POU3F2: variants seen among roughly 807,000 people sequenced by gnomAD.
POU3F2 encodes POU domain, class 3, transcription factor 2.
POU3F2 carries 11 observed loss-of-function variants against 33.1 expected under a neutral mutation model. That is an observed-to-expected ratio of 0.33 (90% CI 0.21 to 0.55). POU3F2 has a LOEUF of 0.55. Ranked by LOEUF, POU3F2 falls within the 20% of genes least tolerant of loss-of-function variation. The pLI is 0.91. For synonymous variants in POU3F2, 332 were observed against 289.6 expected, an observed-to-expected ratio of 1.15 and a Z score of -1.49; for missense variants, 456 against 620.2, an observed-to-expected ratio of 0.74 and a Z score of 2.81.
At position 98,836,457 on chromosome 6, in the gene POU3F2, A is replaced by G; in HGVS notation, c.*252A>G. ...GGCGAGTAACCAGGCAATGGAGTGG[A>G]GTGTCTCCTGGAGAGAGTGAGGAGA... On this transcript the variant is annotated 3_prime_UTR_variant, in exon 1 of 1. Transcript: ENST00000328345. 1 of 455,022 alleles carries G rather than the reference A, an allele frequency of 2.2e-6. No individual in the cohort carries two copies. Among genetic ancestry groups the G allele is most frequent in the Non-Finnish European group, 3.9e-6 (1 of 254,438 alleles). The allele number at this position is 455,022 out of a possible 1,614,324, so 28.2% of individuals were successfully genotyped here. A position where few individuals can be genotyped will look rare whatever the true frequency, so the allele number is the denominator to read the frequency against.
In POU3F2 at chr6:98,838,891, T is replaced by G. The variant is rs1338548533; in HGVS notation, c.*2686T>G. ...AACCCTAGACCTTAAATTGACTGAG[T>G]TGAGTTGTGTGTAAAACACTTCCCT... On this transcript the variant is annotated 3_prime_UTR_variant, in exon 1 of 1. Coordinates refer to ENST00000328345, the MANE Select transcript of POU3F2 (RefSeq NM_005604.4). 2 of 152,398 alleles carry G rather than the reference T, an allele frequency of 1.3e-5. No individual in the cohort carries two copies. Among genetic ancestry groups the G allele is most frequent in the Non-Finnish European group, 2.9e-5 (2 of 68,026 alleles). The allele number at this position is 152,398 out of a possible 1,614,324, so 9.4% of individuals were successfully genotyped here. A position where few individuals can be genotyped will look rare whatever the true frequency, so the allele number is the denominator to read the frequency against.
At position 98,834,885 on chromosome 6, in the gene POU3F2, A is replaced by G. The variant is rs756228158; in HGVS notation, c.12A>G (p.Ala4=). The change falls in exon 1 of 1, where the codon GCA becomes GCG. Residue 4 remains alanine (A), a synonymous_variant. Transcript: ENST00000328345. Reference sequence around the variant, plus strand: ...CGGCTCCGAGAGTCATGGCGACCGCAGCGTCTAACCACTACAGCCTGCTCA... The same window carrying G: ...CGGCTCCGAGAGTCATGGCGACCGCGGCGTCTAACCACTACAGCCTGCTCA... The part of the protein sequence containing the change: MAT[A]ASNHYSLLTS... The G allele has an allele frequency of 8.1e-6, 13 of 1,598,902 alleles. No individual in the cohort carries two copies. The highest frequency in any genetic ancestry group is 1.7e-5 in the Admixed American group (1 of 59,958).
At position 98,836,130 on chromosome 6, in the gene POU3F2, G is replaced by T; in HGVS notation, c.1257G>T (p.Leu419=). 1.2e-6 allele frequency: 2 copies of T among 1,605,256 alleles called. No homozygotes were observed. The highest frequency in any genetic ancestry group is 1.7e-6 in the Non-Finnish European group (2 of 1,177,904). ...EKRMTPPGGT[L]PGAEDVYGGS... is the part of the protein sequence containing the mutation. The stretch of plus-strand genomic sequence containing the variant: ...GGATGACCCCTCCCGGAGGGACTCT[G>T]CCGGGCGCCGAGGATGTGTACGGGG... The change falls in exon 1 of 1, where the codon CTG becomes CTT. Residue 419 remains leucine, a synonymous_variant. Coordinates refer to ENST00000328345, the MANE Select transcript of POU3F2 (RefSeq NM_005604.4).
rs2128367963 is a variant in POU3F2, at chr6:98,836,269, C to T, written c.*64C>T. On this transcript the variant is annotated 3_prime_UTR_variant, in exon 1 of 1. Coordinates refer to ENST00000328345, the MANE Select transcript of POU3F2 (RefSeq NM_005604.4). Reference sequence around the variant, plus strand: ...TCCCCTTCGGTCCTTGGCCCTTTCCCGGCCCTCTTGTTCCCTCTCTAACTT... The same window carrying T: ...TCCCCTTCGGTCCTTGGCCCTTTCCTGGCCCTCTTGTTCCCTCTCTAACTT... The T allele has an allele frequency of 3.4e-6, 5 of 1,482,042 alleles. No homozygotes were observed. Among genetic ancestry groups the T allele is most frequent in the African/African-American group, 1.4e-5 (1 of 69,336 alleles). 91.8% of individuals were successfully genotyped at this position (1,482,042 alleles called of 1,614,324 possible).
rs1316771230 is a variant in POU3F2, at chr6:98,838,973, A to C, written c.*2768A>C. The C allele has an allele frequency of 6.6e-6, 1 of 150,476 alleles. No homozygotes were observed. The highest frequency in any genetic ancestry group is 1.5e-5 in the Non-Finnish European group (1 of 67,720). The allele number at this position is 150,476 out of a possible 1,614,324, so 9.3% of individuals were successfully genotyped here. ...TTTTATGCATATACTGCCAGATTTG[A>C]TGTTCATAACTTTCAGAGGCTTTTT... On this transcript the variant is annotated 3_prime_UTR_variant, in exon 1 of 1. Transcript: ENST00000328345.
Position 98,835,288 on chromosome 6 carries a change from C to G in POU3F2, c.415C>G (p.Gln139Glu). The change falls in exon 1 of 1, where the codon CAG becomes GAG. Residue 139 changes from glutamine to glutamate, a missense_variant. Around this residue, in one of 6 missense-constraint regions of POU3F2, gnomAD observed 341 missense variants for 382.4 expected, o/e 0.89. Coordinates refer to ENST00000328345, the MANE Select transcript of POU3F2 (RefSeq NM_005604.4). This position sits in a 1 kb window ranked among gnomAD's most constrained non-coding sequence, Gnocchi z 9.7. ...QQQQQQQQQQ[Q>E]QQQQQQQQQQ... is the part of the protein sequence containing the mutation. ...GCAGCAACAGCAACAGCAGCAGCAA[C>G]AGCAGCAACAGCAGCAGCAGCAGCA... 1.3e-6 allele frequency: 2 copies of G among 1,545,172 alleles called. No homozygotes were observed. The highest frequency in any genetic ancestry group is 1.7e-6 in the Non-Finnish European group (2 of 1,144,766).
rs934047521 is a variant in POU3F2 at position 98,838,869 on chromosome 6, C to T, written c.*2664C>T. On this transcript the variant is annotated 3_prime_UTR_variant, in exon 1 of 1. Transcript: ENST00000328345. Reference sequence around the variant, plus strand: ...GTGCCAAGTTTTAAGGGGGGAAAACCCTAGACCTTAAATTGACTGAGTTGA... The same window carrying T: ...GTGCCAAGTTTTAAGGGGGGAAAACTCTAGACCTTAAATTGACTGAGTTGA... 2.6e-5 allele frequency: 4 copies of T among 152,548 alleles called. No individual in the cohort carries two copies. The highest frequency in any genetic ancestry group is 2.0e-4 in the Admixed American group (3 of 15,264). 9.4% of individuals were successfully genotyped at this position (152,548 alleles called of 1,614,324 possible).
chr6:98,834,768 G>C lies in POU3F2; in HGVS notation c.-106G>C. Reference sequence around the variant, plus strand: ...CGTCGGAGCTGCCCGCTGTGGGAGAGAGAGGAGACAGAAAGAGCGAGCGAG... The same window carrying C: ...CGTCGGAGCTGCCCGCTGTGGGAGACAGAGGAGACAGAAAGAGCGAGCGAG... On this transcript the variant is annotated 5_prime_UTR_variant, in exon 1 of 1. Coordinates refer to ENST00000328345, the MANE Select transcript of POU3F2 (RefSeq NM_005604.4). 1 of 1,284,228 alleles carries C rather than the reference G, an allele frequency of 7.8e-7. No individual in the cohort carries two copies. The highest frequency in any genetic ancestry group is 1.1e-6 in the Non-Finnish European group (1 of 943,004). 79.6% of individuals were successfully genotyped at this position (1,284,228 alleles called of 1,614,324 possible).
At position 98,838,864 on chromosome 6, in the gene POU3F2, A is replaced by G. The variant is rs938628678; in HGVS notation, c.*2659A>G. On this transcript the variant is annotated 3_prime_UTR_variant, in exon 1 of 1. Coordinates refer to ENST00000328345, the MANE Select transcript of POU3F2 (RefSeq NM_005604.4). ...AGATAGTGCCAAGTTTTAAGGGGGG[A>G]AAACCCTAGACCTTAAATTGACTGA... 4 of 152,748 alleles carry G rather than the reference A, an allele frequency of 2.6e-5. No homozygotes were observed. Among genetic ancestry groups the G allele is most frequent in the Non-Finnish European group, 5.9e-5 (4 of 68,002 alleles). The allele number at this position is 152,748 out of a possible 1,614,324, so 9.5% of individuals were successfully genotyped here.
chr6:98,838,531 A>T lies in POU3F2; in HGVS notation c.*2326A>T, dbSNP rs1470772744. On this transcript the variant is annotated 3_prime_UTR_variant, in exon 1 of 1. Transcript: ENST00000328345. ...TAATGCTACCCAGGGAAATATTTTC[A>T]TATCATTTTTAAGTGGCCTGCCTCA... The T allele has an allele frequency of 6.0e-6, 1 of 166,498 alleles. No individual in the cohort carries two copies. The allele number at this position is 166,498 out of a possible 1,614,324, so 10.3% of individuals were successfully genotyped here. A position where few individuals can be genotyped will look rare whatever the true frequency, so the allele number is the denominator to read the frequency against.
chr6:98,835,912 A>C lies in POU3F2; in HGVS notation c.1039A>C (p.Lys347Gln). The C allele has an allele frequency of 6.2e-7, 1 of 1,614,190 alleles. No individual in the cohort carries two copies. Residue 347 changes from lysine to glutamine, a missense_variant, in exon 1 of 1, where the codon AAG becomes CAG. Coordinates refer to ENST00000328345, the MANE Select transcript of POU3F2 (RefSeq NM_005604.4). The surrounding 1 kb of genome is among the most constrained non-coding windows in gnomAD (Gnocchi z 9.7). ...CTCGGGCAGCCCCACGAGCATAGAC[A>C]AGATCGCAGCGCAAGGGCGCAAGCG... is the stretch of plus-strand genomic sequence containing the variant. ...SSSGSPTSIDKIAAQGRKRKK... is the reference protein window; with the variant it reads ...SSSGSPTSIDQIAAQGRKRKK...
chr6:98,835,406 C>A lies in POU3F2; in HGVS notation c.533C>A (p.Pro178Gln). The change falls in exon 1 of 1, where the codon CCA becomes CAA. Residue 178 changes from proline (P) to glutamine (Q), a missense_variant. Around this residue, in one of 6 missense-constraint regions of POU3F2, gnomAD observed 341 missense variants for 382.4 expected, o/e 0.89. Transcript: ENST00000328345. This position sits in a 1 kb window ranked among gnomAD's most constrained non-coding sequence, Gnocchi z 9.7. ...WRSAAAAAHL[P>Q]PSMGASNGGL... Reference sequence around the variant, plus strand: ...AGCGCGGCGGCTGCAGCGCACCTCCCACCCTCCATGGGAGCGTCCAACGGC... The same window carrying A: ...AGCGCGGCGGCTGCAGCGCACCTCCAACCCTCCATGGGAGCGTCCAACGGC... The A allele has an allele frequency of 6.3e-7, 1 of 1,585,880 alleles. No individual in the cohort carries two copies. The highest frequency in any genetic ancestry group is 1.1e-5 in the South Asian group (1 of 87,416).
rs1770007815 is a variant in POU3F2 at position 98,836,994 on chromosome 6, G to T, written c.*789G>T. On this transcript the variant is annotated 3_prime_UTR_variant, in exon 1 of 1. Coordinates refer to ENST00000328345, the MANE Select transcript of POU3F2 (RefSeq NM_005604.4). ...ATTTGTTCCTCTTACCAAAGCAAAA[G>T]GATTGGCTTCATACAAAATAGACAA... 1 of 167,028 alleles carries T rather than the reference G, an allele frequency of 6.0e-6. No homozygotes were observed. Among genetic ancestry groups the T allele is most frequent in the Non-Finnish European group, 1.5e-5 (1 of 68,120 alleles). 10.3% of individuals were successfully genotyped at this position (167,028 alleles called of 1,614,324 possible). A position where few individuals can be genotyped will look rare whatever the true frequency, so the allele number is the denominator to read the frequency against.
In POU3F2 at chr6:98,835,077, CGGCGGCGGCGGG is replaced by C; in HGVS notation, c.210_221del (p.Gly85_Gly88del). 1 of 1,201,206 alleles carries C rather than the reference CGGCGGCGGCGGG, an allele frequency of 8.3e-7. No homozygotes were observed. The allele number at this position is 1,201,206 out of a possible 1,614,324, so 74.4% of individuals were successfully genotyped here. ...AGTGGATCACCGCGCTGTCCCACGG[CGGCGGCGGCGGG>C]GGCGGTGGCGGCGGCGGGGGGGGCG... On this transcript the variant is annotated inframe_deletion, in exon 1 of 1. Coordinates refer to ENST00000328345, the MANE Select transcript of POU3F2 (RefSeq NM_005604.4). This position sits in a 1 kb window ranked among gnomAD's most constrained non-coding sequence, Gnocchi z 9.7.
Position 98,834,897 on chromosome 6 carries a change from C to G in POU3F2, c.24C>G (p.His8Gln), listed in dbSNP as rs1769968381. Residue 8 changes from histidine to glutamine, a missense_variant, in exon 1 of 1, where the codon CAC becomes CAG. This residue lies in a region of POU3F2 where 341 missense variants were observed against 382.4 expected (regional missense o/e 0.89). Transcript: ENST00000328345. ...TCATGGCGACCGCAGCGTCTAACCA[C>G]TACAGCCTGCTCACCTCCAGCGCCT... MATAASN[H>Q]YSLLTSSASI... 1.9e-6 allele frequency: 3 copies of G among 1,599,864 alleles called. No individual in the cohort carries two copies. The highest frequency in any genetic ancestry group is 2.5e-6 in the Non-Finnish European group (3 of 1,179,362).
chr6:98,838,886 C>T lies in POU3F2; in HGVS notation c.*2681C>T, dbSNP rs556374058. 15 of 152,378 alleles carry T rather than the reference C, an allele frequency of 9.8e-5. No individual in the cohort carries two copies. In the South Asian group the frequency reaches 3.1e-3, roughly 32 times the overall value. 9.4% of individuals were successfully genotyped at this position (152,378 alleles called of 1,614,324 possible). ...GGGAAAACCCTAGACCTTAAATTGA[C>T]TGAGTTGAGTTGTGTGTAAAACACT... On this transcript the variant is annotated 3_prime_UTR_variant, in exon 1 of 1. Transcript: ENST00000328345.
chr6:98,835,191 G>C lies in POU3F2; in HGVS notation c.318G>C (p.Ser106=). ...TGGGCCAGCCGGACATCAAGCCCTC[G>C]GTGGTGGTGCAGCAGGGCGGCCGCG... ...SPLGQPDIKP[S]VVVQQGGRGD... is the part of the protein sequence containing the mutation. The change falls in exon 1 of 1, where the codon TCG becomes TCC. Residue 106 remains serine, a synonymous_variant. Transcript: ENST00000328345. The surrounding 1 kb of genome is among the most constrained non-coding windows in gnomAD (Gnocchi z 9.7). The C allele has an allele frequency of 6.6e-7, 1 of 1,504,768 alleles. No individual in the cohort carries two copies. The highest frequency in any genetic ancestry group is 2.8e-5 in the East Asian group (1 of 35,100). The allele number at this position is 1,504,768 out of a possible 1,614,324, so 93.2% of individuals were successfully genotyped here.
At position 98,838,144 on chromosome 6, in the gene POU3F2, A is replaced by G; in HGVS notation, c.*1939A>G. On this transcript the variant is annotated 3_prime_UTR_variant, in exon 1 of 1. Coordinates refer to ENST00000328345, the MANE Select transcript of POU3F2 (RefSeq NM_005604.4). ...AGATAAATGGTGACTTATAATGGGCATATTTATTTGCCTGTATTTCATTTC... is the reference window on the plus strand; with the variant it reads ...AGATAAATGGTGACTTATAATGGGCGTATTTATTTGCCTGTATTTCATTTC... 6.0e-6 allele frequency: 1 copy of G among 167,144 alleles called. No homozygotes were observed. The allele number at this position is 167,144 out of a possible 1,614,324, so 10.4% of individuals were successfully genotyped here.
chr6:98,835,947 G>T lies in POU3F2; in HGVS notation c.1074G>T (p.Arg358=). Residue 358 remains arginine (R), a synonymous_variant, in exon 1 of 1, where the codon CGG becomes CGT. Coordinates refer to ENST00000328345, the MANE Select transcript of POU3F2 (RefSeq NM_005604.4). This position sits in a 1 kb window ranked among gnomAD's most constrained non-coding sequence, Gnocchi z 9.7. ...IAAQGRKRKK[R]TSIEVSVKGA... ...CGCAAGGGCGCAAGCGGAAAAAGCG[G>T]ACCTCCATCGAGGTGAGCGTCAAGG... 5.6e-6 allele frequency: 9 copies of T among 1,614,226 alleles called. No individual in the cohort carries two copies. Among genetic ancestry groups the T allele is most frequent in the Non-Finnish European group, 7.6e-6 (9 of 1,180,040 alleles).
Sources: gnomAD v4.1 joint callset for allele counts on GRCh38, gnomAD v4.1.1 for gene constraint, gnomAD v4.1.1 regional missense constraint, Gnocchi (gnomAD v3.1) non-coding constraint, MANE v1.5 for transcripts, NCBI Gene and HGNC (gene_info 2026-07-23, HGNC 2026-07-21) for gene names.